Variants in CATSPERG observed in about 807,000 individuals in gnomAD.
CATSPERG encodes the protein cation channel sperm-associated auxiliary subunit gamma.
In CATSPERG, 115 loss-of-function variants were observed where a neutral mutation model predicts 145.0. The observed-to-expected ratio is 0.79, with a 90% CI of 0.68 to 0.93. The LOEUF is 0.93. Among genes scored for constraint, CATSPERG ranks in the 40% least tolerant of loss-of-function variants. CATSPERG has a pLI of 0.00. For synonymous variants in CATSPERG, 588 were observed against 589.0 expected (o/e 1.00, Z 0.02); for missense variants, 1,296 against 1,490.1 (o/e 0.87, Z 2.14).
At chr19:38,354,874 C>T in intron 9 of CATSPERG, 27 bp downstream of exon 9, 2 of 1,610,756 alleles carry the variant, frequency 1.2e-6, no homozygotes, top group Non-Finnish European at 1.7e-6. Flanking sequence ...CTGTCAGCCC[C>T]AGGGACCCCT....
At chr19:38,338,255 TCTC>T (rs1969877865) in intron 3 of CATSPERG, among the ~76,000 whole-genome samples, 1 of 149,912 alleles carries the variant, frequency 6.7e-6, no homozygotes, top group Non-Finnish European at 1.5e-5. Flanking sequence ...TTCACACCAT[TCTC>T]CTGCCTCAGC....
At chr19:38,370,306 G>A (rs756949398) in intron 28 of CATSPERG, 48 bp downstream of exon 28, 74 of 1,527,780 alleles carry the variant, frequency 4.8e-5, no homozygotes, top group Non-Finnish European at 5.6e-5. Flanking sequence ...AGGGGCCCAC[G>A]CCTCCATACC....
At position 38,362,235 on chromosome 19, in the gene CATSPERG, C is replaced by T. The variant is rs779995436; in HGVS notation, c.2120C>T (p.Pro707Leu). ...CCGTACGCGGACCCGGTGCACGACC[C>T]CACCTGGCGCTGGTGGGCGAACAAC... The part of the protein sequence containing the change: ...DKPYADPVHD[P>L]TWRWWANNKQ... Residue 707 changes from proline to leucine, a missense_variant, in exon 18 of 29, where the codon CCC becomes CTC. Coordinates refer to ENST00000409235, the MANE Select transcript of CATSPERG (RefSeq NM_021185.5). 3 of 1,609,626 alleles carry T rather than the reference C, an allele frequency of 1.9e-6. No homozygotes were observed. The highest frequency in any genetic ancestry group is 1.1e-5 in the South Asian group (1 of 90,672).
chr19:38,360,797 C>A lies in CATSPERG; in HGVS notation c.1834C>A (p.Leu612Met), dbSNP rs375987061. Reference sequence around the variant, plus strand: ...GAGGCTCGTGCCCGTGGAGCAGCTTCTGATGTATCAACAGCACACCAGCCA... The same window carrying A: ...GAGGCTCGTGCCCGTGGAGCAGCTTATGATGTATCAACAGCACACCAGCCA... Reference protein sequence around the residue: ...VKRLVPVEQLLMYQQHTSHYD... With the variant: ...VKRLVPVEQLMMYQQHTSHYD... Residue 612 changes from leucine to methionine, a missense_variant, in exon 16 of 29, where the codon CTG (leucine) becomes ATG (methionine). Leu to Met is a conservative substitution (Grantham distance 15). Transcript: ENST00000409235. The A allele has an allele frequency of 1.2e-5, 19 of 1,611,502 alleles. No homozygotes were observed. Among genetic ancestry groups the A allele is most frequent in the Admixed American group, 1.7e-5 (1 of 59,488 alleles).
At position 38,344,047 on chromosome 19, in the gene CATSPERG, T is replaced by G; in HGVS notation, c.524T>G (p.Ile175Ser). ...ATGAGCTGGTACACGCCCATGCCCA[T>G]CAAGAAAGGCAGTGTGGTCATGCGT... ...CSMSWYTPMP[I>S]KKGSVVMRVD... Residue 175 changes from isoleucine to serine, a missense_variant, in exon 5 of 29, where the codon ATC becomes AGC. Transcript: ENST00000409235. 1 of 1,551,480 alleles carries G rather than the reference T, an allele frequency of 6.4e-7. No homozygotes were observed. The highest frequency in any genetic ancestry group is 8.7e-7 in the Non-Finnish European group (1 of 1,146,904).
intron 14 of CATSPERG, chr19:38,359,898 G>C: frequency 9.4e-7 from 1 of 1,068,370 alleles, no homozygotes; most frequent in Non-Finnish European, 1.1e-6. Context: ...AGAGTGATCA[G>C]GGCTGCAATG....
intron 11 of CATSPERG, among the ~76,000 whole-genome samples, chr19:38,357,363 A>T (rs1177569011): frequency 4.6e-5 from 7 of 151,272 alleles, no homozygotes; most frequent in Non-Finnish European, 1.0e-4. Context: ...AAAAAAAAAA[A>T]AAAAAAAAAA....
intron 17 of CATSPERG, 131 bp downstream of exon 17, chr19:38,361,992 G>GGGGGC: frequency 2.9e-6 from 1 of 347,378 alleles, no homozygotes. Flanking sequence ...GTGGGCGGGG[G>GGGGGC]ACCTGGGGGC....
intron 7 of CATSPERG, among the ~76,000 whole-genome samples, chr19:38,347,754 A>T (rs769108911): frequency 6.6e-6 from 1 of 152,068 alleles, no homozygotes; most frequent in Non-Finnish European, 1.5e-5. Flanking sequence ...CAGCCTAGGC[A>T]ACATGGTGAA....
At chr19:38,343,445 T>C in intron 3 of CATSPERG, 135 bp from the exon 4 acceptor site, 1 of 789,494 alleles carries the variant, frequency 1.3e-6, no homozygotes, top group South Asian at 1.9e-5. Context: ...CTAGACCATG[T>C]CCTCTGACCA....
Position 38,346,418 on chromosome 19 carries a change from GTGTTGGCGTCCCTC to G in CATSPERG, c.670-31_670-18del. The G allele has an allele frequency of 1.3e-6, 2 of 1,506,660 alleles. No individual in the cohort carries two copies. Among genetic ancestry groups the G allele is most frequent in the Non-Finnish European group, 1.8e-6 (2 of 1,116,280 alleles). 93.3% of individuals were successfully genotyped at this position (1,506,660 alleles called of 1,614,324 possible). A position where few individuals can be genotyped will look rare whatever the true frequency, so the allele number is the denominator to read the frequency against. The stretch of plus-strand genomic sequence containing the variant: ...ATGGAGTCTCAGGAGAGTGGGGAGA[GTGTTGGCGTCCCTC>G]CTGTCCCTCCTTGGCAGCTCTTCAA... On this transcript the variant is annotated intron_variant, in intron 6 of 28. Transcript: ENST00000409235.
rs1483305361 is a variant in CATSPERG, at chr19:38,344,874, CACACACACATATATAT to C, written c.669+508_669+523del. 3.5e-5 allele frequency among the ~76,000 whole-genome samples: 3 copies of C among 85,488 alleles called. 1 individual carries two copies. The highest frequency in any genetic ancestry group is 1.0e-4 in the African/African-American group (3 of 28,580). 56.1% of individuals were successfully genotyped at this position (85,488 alleles called of 152,430 possible). A position where few individuals can be genotyped will look rare whatever the true frequency, so the allele number is the denominator to read the frequency against. Reference sequence around the variant, plus strand: ...ATGAACAGACACACACACACACACACACACACACATATATATATATATATATATTTTTTTTTTTTTT... The same window carrying C: ...ATGAACAGACACACACACACACACACATATATATATATTTTTTTTTTTTTT... On this transcript the variant is annotated intron_variant, in intron 6 of 28. Coordinates refer to ENST00000409235, the MANE Select transcript of CATSPERG (RefSeq NM_021185.5).
chr19:38,364,874 C>A lies in CATSPERG; in HGVS notation c.2476-17C>A. On this transcript the variant is annotated splice_polypyrimidine_tract_variant and intron_variant, in intron 20 of 28. Transcript: ENST00000409235. The stretch of plus-strand genomic sequence containing the variant: ...GTTCACCCCTTCATTTCTGCCTCTC[C>A]CCTCCTTCAACCCCAGATTACGCTC... 1 of 1,603,964 alleles carries A rather than the reference C, an allele frequency of 6.2e-7. No homozygotes were observed. The highest frequency in any genetic ancestry group is 8.5e-7 in the Non-Finnish European group (1 of 1,170,674).
At chr19:38,361,955 G>A in intron 17 of CATSPERG, 94 bp downstream of exon 17, 1 of 837,046 alleles carries the variant, frequency 1.2e-6, no homozygotes, top group Non-Finnish European at 1.8e-6. Flanking sequence ...GGAGCGCAGC[G>A]GGATTGGAGA....
At chr19:38,369,856 G>A (rs928733682) in intron 26 of CATSPERG, 116 bp from the exon 27 acceptor site, 4 of 874,476 alleles carry the variant, frequency 4.6e-6, no homozygotes, top group African/African-American at 1.6e-5. Context: ...AATGAGGGAA[G>A]GCATGAGATT....
chr19:38,358,007 A>G, intron 11 of CATSPERG: 1 of 430,096 alleles, frequency 2.3e-6, no homozygotes, highest in Non-Finnish European at 4.2e-6. Context: ...AATCCCAGCT[A>G]CTCCATAGGC....
At chr19:38,359,711 G>T (rs1188613528) in intron 14 of CATSPERG, 130 bp downstream of exon 14, 18 of 1,417,398 alleles carry the variant, frequency 1.3e-5, no homozygotes, top group Non-Finnish European at 1.5e-5. Flanking sequence ...AAAGGGCAGT[G>T]AAGCTCCATT....
intron 13 of CATSPERG, among the ~76,000 whole-genome samples, chr19:38,358,765 G>A (rs1476864110): frequency 2.0e-5 from 3 of 152,190 alleles, no homozygotes; most frequent in African/African-American, 7.2e-5. Context: ...TTTTAAAGCT[G>A]TGGGAGCCCT....
intron 7 of CATSPERG, among the ~76,000 whole-genome samples, 175 bp from the exon 8 acceptor site, chr19:38,352,086 T>C (rs770039232): frequency 2.6e-5 from 4 of 152,150 alleles, no homozygotes; most frequent in Non-Finnish European, 4.4e-5. Flanking sequence ...CTCTGGTCCA[T>C]ATGGGGGAGG....
Sources: allele counts gnomAD v4.1 joint callset (sites outside exome capture counted in the v4.1 genomes callset), GRCh38; gene constraint gnomAD v4.1.1; transcripts MANE v1.5; gene names NCBI Gene and HGNC (gene_info 2026-07-23, HGNC 2026-07-21).